SH3RF3: variants seen among roughly 807,000 people sequenced by gnomAD.
The protein encoded by SH3RF3 is SH3 domain containing ring finger 3.
SH3RF3 carries 29 observed loss-of-function variants against 66.3 expected under a neutral mutation model. The observed-to-expected ratio is 0.44, with a 90% CI of 0.33 to 0.60. The LOEUF (loss-of-function observed/expected upper bound fraction) is 0.60, where lower values mean the gene tolerates loss of function less well. Among genes scored for constraint, SH3RF3 ranks in the 20% least tolerant of loss-of-function variants. The pLI, the probability that SH3RF3 is intolerant of heterozygous loss-of-function variation, is 0.04. For missense variants in SH3RF3, 1,194 were observed against 1,190.9 expected (o/e 1.00, Z -0.04); for synonymous variants, 583 against 532.0 (o/e 1.10, Z -1.32).
At chr2:109,476,236 C>T (rs1179617479) in intron 8 of SH3RF3, among the ~76,000 whole-genome samples, 3 of 152,250 alleles carry the variant, frequency 2.0e-5, no homozygotes, top group Admixed American at 2.0e-4. Flanking sequence ...GGCCTGCTAG[C>T]ACCCACAGCA....
chr2:109,213,849 G>A (rs1184871709), intron 1 of SH3RF3, among the ~76,000 whole-genome samples: 4 of 152,198 alleles, frequency 2.6e-5, no homozygotes, highest in Non-Finnish European at 5.9e-5. Flanking sequence ...CAGCCCGTGG[G>A]TCGTTCTGAG....
rs989635880 is a variant in SH3RF3, at chr2:109,501,703, G to A, written c.*32G>A. 3 of 728,360 alleles carry A rather than the reference G, an allele frequency of 4.1e-6. No homozygotes were observed. Among genetic ancestry groups the A allele is most frequent in the African/African-American group, 3.5e-5 (2 of 57,844 alleles). 45.1% of individuals were successfully genotyped at this position (728,360 alleles called of 1,614,324 possible). ...GTGCTCCCTGCACCCAGCTCACAGA[G>A]GGGGAGGCCGCCTGGGAAGCTCCAC... On this transcript the variant is annotated 3_prime_UTR_variant, in exon 10 of 10. Transcript: ENST00000309415.
chr2:109,391,673 A>G (rs932484358), intron 3 of SH3RF3, among the ~76,000 whole-genome samples: 1 of 152,208 alleles, frequency 6.6e-6, no homozygotes, highest in African/African-American at 2.4e-5. Context: ...TCCCCAGGAA[A>G]TAAGAGTTTG....
chr2:109,360,903 G>A (rs145370849), intron 2 of SH3RF3, among the ~76,000 whole-genome samples: 4 of 152,268 alleles, frequency 2.6e-5, no homozygotes, highest in Non-Finnish European at 2.9e-5. Flanking sequence ...CTTGATCTTA[G>A]TGGGAAAGTT....
intron 9 of SH3RF3, among the ~76,000 whole-genome samples, chr2:109,493,556 A>ACATACCATACACACTG (rs1201162523): frequency 3.4e-5 from 5 of 148,116 alleles, no homozygotes; most frequent in Non-Finnish European, 5.9e-5. Flanking sequence ...CCATACACAT[A>ACATACCATACACACTG]CATACCATAC....
chr2:109,133,298 G>A (rs540087118), intron 1 of SH3RF3, among the ~76,000 whole-genome samples: 16 of 152,390 alleles, frequency 1.0e-4, no homozygotes, highest in Non-Finnish European at 1.0e-4. Context: ...TTGAGGTACA[G>A]TGGTATATGT....
chr2:109,177,743 C>A (rs187541565), intron 1 of SH3RF3, among the ~76,000 whole-genome samples: 13 of 152,270 alleles, frequency 8.5e-5, no homozygotes, highest in Admixed American at 7.8e-4. Flanking sequence ...ATGCTAAGAA[C>A]CCCCTTCAAC....
intron 8 of SH3RF3, among the ~76,000 whole-genome samples, chr2:109,474,296 CAGTT>C (rs374643856): frequency 1.8e-3 from 278 of 152,238 alleles, no homozygotes; most frequent in African/African-American, 6.5e-3. Flanking sequence ...TTGAGCCGGA[CAGTT>C]AGTTATGTGT....
At chr2:109,174,429 C>T (rs10165859) in intron 1 of SH3RF3, among the ~76,000 whole-genome samples, 6,188 of 152,258 alleles carry the variant, frequency 0.041, 397 homozygotes, top group African/African-American at 0.14. Flanking sequence ...ACAGCTGGGG[C>T]GTGGGTGGGA....
intron 1 of SH3RF3, among the ~76,000 whole-genome samples, chr2:109,300,418 G>A (rs1681437106): frequency 6.6e-6 from 1 of 152,094 alleles, no homozygotes; most frequent in South Asian, 2.1e-4. Context: ...CACCTCAAGT[G>A]ATCCACCCAC....
intron 1 of SH3RF3, among the ~76,000 whole-genome samples, chr2:109,204,978 C>G (rs936575476): frequency 1.3e-5 from 2 of 152,112 alleles, no homozygotes; most frequent in African/African-American, 4.8e-5. Context: ...GAGGCTGAGG[C>G]AGGAGGATCA....
intron 1 of SH3RF3, among the ~76,000 whole-genome samples, chr2:109,302,187 A>G (rs939637810): frequency 3.3e-5 from 5 of 152,194 alleles, no homozygotes; most frequent in African/African-American, 1.2e-4. Context: ...GTACTCCTAC[A>G]GCCAGTGCTG....
intron 1 of SH3RF3, among the ~76,000 whole-genome samples, chr2:109,138,470 A>C (rs749880776): frequency 1.1e-4 from 17 of 152,250 alleles, no homozygotes; most frequent in Non-Finnish European, 2.2e-4. Flanking sequence ...GGCTGTTGTA[A>C]AAATTAGCTT....
intron 2 of SH3RF3, among the ~76,000 whole-genome samples, chr2:109,364,062 A>G (rs540469577): frequency 2.7e-5 from 4 of 150,404 alleles, no homozygotes; most frequent in Admixed American, 6.6e-5. Flanking sequence ...GTTCCTTTCT[A>G]TCTTTCTTCT....
intron 1 of SH3RF3, among the ~76,000 whole-genome samples, chr2:109,239,350 T>A (rs1679724688): frequency 6.6e-6 from 1 of 152,152 alleles, no homozygotes; most frequent in South Asian, 2.1e-4. Flanking sequence ...ATTCAATGGG[T>A]CATTTCCAAA....
intron 1 of SH3RF3, among the ~76,000 whole-genome samples, chr2:109,281,763 G>A (rs1367058232): frequency 6.6e-6 from 1 of 152,174 alleles, no homozygotes; most frequent in Non-Finnish European, 1.5e-5. Flanking sequence ...GAGAGCAAGA[G>A]CAAGCCTGCA....
intron 1 of SH3RF3, among the ~76,000 whole-genome samples, chr2:109,209,754 A>G (rs1259803482): frequency 6.6e-6 from 1 of 152,188 alleles, no homozygotes; most frequent in Non-Finnish European, 1.5e-5. Context: ...GGTGAGAGTA[A>G]ATGGTTTGTT....
At chr2:109,181,037 G>A (rs1678060953) in intron 1 of SH3RF3, among the ~76,000 whole-genome samples, 1 of 152,156 alleles carries the variant, frequency 6.6e-6, no homozygotes, top group African/African-American at 2.4e-5. Flanking sequence ...AAAGTCCTTT[G>A]ATGGCCAGCC....
chr2:109,432,555 C>T lies in SH3RF3; in HGVS notation c.1458C>T (p.His486=). 6.2e-7 allele frequency: 1 copy of T among 1,613,710 alleles called. No individual in the cohort carries two copies. Among genetic ancestry groups the T allele is most frequent in the African/African-American group, 1.3e-5 (1 of 75,058 alleles). Reference sequence around the variant, plus strand: ...AGAAGAGTGACGAGCTGGAGCTGCACAAGGGAGAGATGTACCGGGTCCTCG... The same window carrying T: ...AGAAGAGTGACGAGCTGGAGCTGCATAAGGGAGAGATGTACCGGGTCCTCG... ...KPQKSDELEL[H]KGEMYRVLEK... Residue 486 remains histidine, a synonymous_variant, in exon 6 of 10, where the codon CAC becomes CAT. Transcript: ENST00000309415.
Sources: gnomAD v4.1 joint callset for allele counts (sites outside exome capture counted in the v4.1 genomes callset) on GRCh38, gnomAD v4.1.1 for gene constraint, MANE v1.5 for transcripts, NCBI Gene and HGNC (gene_info 2026-07-23, HGNC 2026-07-21) for gene names.